The following TACC2 variants were observed in gnomAD, a reference collection of about 807,000 sequenced individuals.
The protein encoded by TACC2 is transforming acidic coiled-coil containing protein 2, also known as transforming acidic coiled-coil-containing protein 2.
TACC2 carries 137 observed loss-of-function variants against 227.3 expected under a neutral mutation model. That is an observed-to-expected ratio of 0.60 (90% CI 0.52 to 0.69). The LOEUF (loss-of-function observed/expected upper bound fraction) is 0.69, where lower values mean the gene tolerates loss of function less well. Among genes scored for constraint, TACC2 ranks in the 30% least tolerant of loss-of-function variants. The pLI is 0.00. For synonymous variants in TACC2, 1,523 were observed against 1,487.5 expected, an observed-to-expected ratio of 1.02 and a Z score of -0.55; for missense variants, 3,470 against 3,694.4, an observed-to-expected ratio of 0.94 and a Z score of 1.57.
rs563753676 is a variant in TACC2, at chr10:122,088,514, G to A, written c.5496G>A (p.Ser1832=). The A allele has an allele frequency of 2.6e-5, 42 of 1,613,514 alleles. No homozygotes were observed. The East Asian group carries it at 4.0e-4, about 15-fold the overall frequency. Residue 1832 remains serine (S), a synonymous_variant, in exon 5 of 23, where the codon TCG becomes TCA. Coordinates refer to ENST00000369005, the MANE Select transcript of TACC2 (RefSeq NM_206862.4). The part of the protein sequence containing the change: ...SPRPGPSMLP[S]VPKKDAPRVM... The stretch of plus-strand genomic sequence containing the variant: ...GGCCTGGCCCATCCATGTTACCTTC[G>A]GTTCCTAAGAAGGATGCTCCAAGAG...
intron 6 of TACC2, among the ~76,000 whole-genome samples, chr10:122,137,098 C>CTA (rs140834417): frequency 0.016 from 2,404 of 152,102 alleles, 61 homozygotes; most frequent in African/African-American, 0.051. Context: ...CACCCTTTCT[C>CTA]TATTGTTAAT....
At chr10:122,252,692 C>T (rs953624521) in intron 22 of TACC2, among the ~76,000 whole-genome samples, 2 of 151,894 alleles carry the variant, frequency 1.3e-5, no homozygotes, top group African/African-American at 2.4e-5. Flanking sequence ...AGGGTTTCAC[C>T]GTGTTGGCCA....
At chr10:121,997,880 A>G (rs1953745576) in intron 1 of TACC2, among the ~76,000 whole-genome samples, 1 of 152,158 alleles carries the variant, frequency 6.6e-6, no homozygotes, top group African/African-American at 2.4e-5. Context: ...CTGAATCCCA[A>G]GGAGGCCACA....
chr10:122,252,672 T>C (rs979220531), intron 22 of TACC2, among the ~76,000 whole-genome samples: 18 of 152,072 alleles, frequency 1.2e-4, no homozygotes, highest in African/African-American at 3.9e-4. Flanking sequence ...TTTGTATTTT[T>C]AGTAGTGACA....
At chr10:122,173,835 C>T (rs1334902599) in intron 7 of TACC2, among the ~76,000 whole-genome samples, 1 of 152,208 alleles carries the variant, frequency 6.6e-6, no homozygotes, top group Non-Finnish European at 1.5e-5. Flanking sequence ...CTATGGAGCA[C>T]ACACCATGAA....
intron 1 of TACC2, among the ~76,000 whole-genome samples, chr10:122,012,135 A>G (rs1956006010): frequency 6.6e-6 from 1 of 151,796 alleles, no homozygotes; most frequent in African/African-American, 2.4e-5. Context: ...ATGGGGCTTC[A>G]CCCTGGCCGG....
At chr10:122,217,295 A>G (rs1359191671) in intron 11 of TACC2, among the ~76,000 whole-genome samples, 1 of 152,140 alleles carries the variant, frequency 6.6e-6, no homozygotes, top group African/African-American at 2.4e-5. Context: ...CTCAAACCAG[A>G]GATTCACCCC....
At chr10:122,190,669 G>T (rs1293239018) in intron 7 of TACC2, among the ~76,000 whole-genome samples, 1 of 152,046 alleles carries the variant, frequency 6.6e-6, no homozygotes, top group African/African-American at 2.4e-5. Flanking sequence ...AAAAATTATT[G>T]CATGAACACA....
intron 21 of TACC2, 114 bp downstream of exon 21, chr10:122,249,270 C>A: frequency 1.3e-6 from 1 of 791,930 alleles, no homozygotes; most frequent in Non-Finnish European, 2.1e-6. Context: ...GGGGCATCAT[C>A]CAAGTGTGTG....
intron 9 of TACC2, among the ~76,000 whole-genome samples, chr10:122,214,044 G>A (rs1192056126): frequency 6.6e-6 from 1 of 152,124 alleles, no homozygotes; most frequent in African/African-American, 2.4e-5. Flanking sequence ...CCATTTCTGT[G>A]CCTCTGCTGC....
At chr10:122,138,626 A>G (rs1447935845) in intron 6 of TACC2, among the ~76,000 whole-genome samples, 1 of 152,226 alleles carries the variant, frequency 6.6e-6, no homozygotes, top group Admixed American at 6.5e-5. Context: ...GTACCTTTAG[A>G]AGGTACTTTG....
chr10:122,020,954 G>C (rs978505984), intron 1 of TACC2, among the ~76,000 whole-genome samples: 2 of 152,128 alleles, frequency 1.3e-5, no homozygotes, highest in African/African-American at 4.8e-5. Context: ...TTAATAGGCC[G>C]GGCGCGGTGG....
intron 3 of TACC2, among the ~76,000 whole-genome samples, chr10:122,060,453 C>A (rs1249243020): frequency 6.6e-6 from 1 of 152,206 alleles, no homozygotes; most frequent in African/African-American, 2.4e-5. Context: ...TTTCCCTCTC[C>A]AAGAAAGTTC....
intron 5 of TACC2, among the ~76,000 whole-genome samples, chr10:122,096,543 A>G (rs1188664802): frequency 6.6e-6 from 1 of 152,130 alleles, no homozygotes; most frequent in Non-Finnish European, 1.5e-5. Context: ...CTAAAAATAC[A>G]AAATTCGCTG....
At chr10:122,120,822 G>A (rs1310930629) in intron 5 of TACC2, among the ~76,000 whole-genome samples, 3 of 151,752 alleles carry the variant, frequency 2.0e-5, no homozygotes, top group Non-Finnish European at 4.4e-5. Flanking sequence ...GTGCAGTGGC[G>A]CGATCTCAGC....
intron 1 of TACC2, among the ~76,000 whole-genome samples, chr10:121,998,364 C>G (rs1953836977): frequency 6.6e-6 from 1 of 151,274 alleles, no homozygotes; most frequent in Non-Finnish European, 1.5e-5. Context: ...CTGTACTCAC[C>G]CTTAGCAGAT....
intron 1 of TACC2, among the ~76,000 whole-genome samples, chr10:121,996,719 A>G (rs533584643): frequency 6.6e-6 from 1 of 152,322 alleles, no homozygotes; most frequent in Non-Finnish European, 1.5e-5. Context: ...CTGATGAGCA[A>G]GGCAAGAGAG....
chr10:122,016,169 G>C (rs1023627436), intron 1 of TACC2, among the ~76,000 whole-genome samples: 1 of 150,358 alleles, frequency 6.7e-6, no homozygotes, highest in Non-Finnish European at 1.5e-5. Context: ...GGCTGAGATG[G>C]GATGATCGCT....
At chr10:122,042,255 CTTTT>C (rs1482636100) in intron 2 of TACC2, among the ~76,000 whole-genome samples, 2 of 148,988 alleles carry the variant, frequency 1.3e-5, no homozygotes, top group Non-Finnish European at 3.0e-5. Flanking sequence ...TTTTCTTCTT[CTTTT>C]TGAGAGAGAG....
Sources: allele counts gnomAD v4.1 joint callset (sites outside exome capture counted in the v4.1 genomes callset), GRCh38; gene constraint gnomAD v4.1.1; transcripts MANE v1.5; gene names NCBI Gene and HGNC (gene_info 2026-07-23, HGNC 2026-07-21).